ABTB2: variants seen among roughly 807,000 people sequenced by gnomAD.
ABTB2 encodes ankyrin repeat and BTB/POZ domain-containing protein 2.
ABTB2 carries 56 observed loss-of-function variants against 104.1 expected under a neutral mutation model. That is an observed-to-expected ratio of 0.54 (90% CI 0.43 to 0.67). The LOEUF (loss-of-function observed/expected upper bound fraction) is 0.67. ABTB2 is among the 30% of genes least tolerant of loss of function. ABTB2 has a pLI of 0.00. For synonymous variants in ABTB2, 606 were observed against 608.2 expected (o/e 1.00, Z 0.05); for missense variants, 1,279 against 1,407.7 (o/e 0.91, Z 1.46).
At chr11:34,249,203 C>T (rs946740108) in intron 1 of ABTB2, among the ~76,000 whole-genome samples, 16 of 152,194 alleles carry the variant, frequency 1.1e-4, no homozygotes, top group East Asian at 1.9e-4. Flanking sequence ...CTCGTGAATG[C>T]GCAGCCTTGA....
rs1326791153 is a variant in ABTB2, at chr11:34,197,325, C to T, written c.1244G>A (p.Arg415Gln). The change falls in exon 3 of 17, where the codon CGG (arginine) becomes CAG (glutamine). Residue 415 changes from arginine (R) to glutamine (Q), a missense_variant and splice_region_variant. Arg to Gln is a conservative substitution (Grantham distance 43). Coordinates refer to ENST00000435224, the MANE Select transcript of ABTB2 (RefSeq NM_145804.3). ...DPPRMTLNNE[R>Q]PFMLLPPLME... Reference sequence around the variant, plus strand: ...TGCTCAGCCCAAGGAAGATCCCTACCGTTCATTGTTCAAGGTCATTCTCGG... The same window carrying T: ...TGCTCAGCCCAAGGAAGATCCCTACTGTTCATTGTTCAAGGTCATTCTCGG... 15 of 1,613,842 alleles carry T rather than the reference C, an allele frequency of 9.3e-6. No individual in the cohort carries two copies. Among genetic ancestry groups the T allele is most frequent in the East Asian group, 2.2e-5 (1 of 44,886 alleles).
intron 1 of ABTB2, among the ~76,000 whole-genome samples, chr11:34,336,662 A>G (rs1323514478): frequency 6.6e-6 from 1 of 151,930 alleles, no homozygotes; most frequent in Non-Finnish European, 1.5e-5. Context: ...CAAAACAAAC[A>G]AACAAACAAA....
chr11:34,173,089 G>C, intron 4 of ABTB2, 66 bp downstream of exon 4: 1 of 1,599,516 alleles, frequency 6.3e-7, no homozygotes, highest in African/African-American at 1.3e-5. Flanking sequence ...GGGAAGAAGC[G>C]AGCAGAGGGG....
intron 1 of ABTB2, among the ~76,000 whole-genome samples, chr11:34,297,834 C>T (rs531009730): frequency 4.0e-5 from 6 of 150,586 alleles, no homozygotes; most frequent in African/African-American, 1.2e-4. Flanking sequence ...GTGTTGCCGA[C>T]GTGATGGTAT....
chr11:34,221,708 G>C (rs1353968816), intron 1 of ABTB2, among the ~76,000 whole-genome samples: 1 of 152,192 alleles, frequency 6.6e-6, no homozygotes, highest in Non-Finnish European at 1.5e-5. Context: ...CCTGCTGCTA[G>C]GCAGTCTGTG....
At chr11:34,332,386 C>G (rs1855142067) in intron 1 of ABTB2, among the ~76,000 whole-genome samples, 1 of 152,198 alleles carries the variant, frequency 6.6e-6, no homozygotes, top group African/African-American at 2.4e-5. Flanking sequence ...ATCATTCAGA[C>G]TAAGGTCAAA....
intron 1 of ABTB2, among the ~76,000 whole-genome samples, chr11:34,213,188 A>G (rs1421964260): frequency 6.6e-6 from 1 of 152,156 alleles, no homozygotes; most frequent in Non-Finnish European, 1.5e-5. Context: ...ATAAAACTCG[A>G]CAGCCCTGAC....
At chr11:34,337,029 G>A (rs1354203123) in intron 1 of ABTB2, among the ~76,000 whole-genome samples, 1 of 152,042 alleles carries the variant, frequency 6.6e-6, no homozygotes, top group African/African-American at 2.4e-5. Context: ...TTTGAATGCA[G>A]GCAGTCCAGC....
intron 1 of ABTB2, among the ~76,000 whole-genome samples, chr11:34,223,155 C>G (rs1883963): frequency 6.6e-6 from 1 of 152,108 alleles, no homozygotes; most frequent in Admixed American, 6.5e-5. Flanking sequence ...AGTGAGTTTA[C>G]GAGGCTGGCG....
intron 1 of ABTB2, among the ~76,000 whole-genome samples, chr11:34,218,870 A>C (rs1853580593): frequency 6.7e-6 from 1 of 150,148 alleles, no homozygotes; most frequent in African/African-American, 2.5e-5. Context: ...AAAAAAAAAA[A>C]AAGACTATCC....
chr11:34,217,137 C>G (rs1853559851), intron 1 of ABTB2, among the ~76,000 whole-genome samples: 1 of 152,238 alleles, frequency 6.6e-6, no homozygotes, highest in South Asian at 2.1e-4. Flanking sequence ...TGGGATACCC[C>G]TGACCCACAA....
intron 3 of ABTB2, among the ~76,000 whole-genome samples, chr11:34,174,821 C>G (rs1852940446): frequency 1.3e-5 from 2 of 152,408 alleles, no homozygotes; most frequent in African/African-American, 2.4e-5. Flanking sequence ...GGAGCCCTGT[C>G]CCTCACTCAT....
At chr11:34,281,307 C>A (rs1590240237) in intron 1 of ABTB2, among the ~76,000 whole-genome samples, 1 of 152,320 alleles carries the variant, frequency 6.6e-6, no homozygotes, top group East Asian at 1.9e-4. Flanking sequence ...AATCTTAGAT[C>A]CCAGGTCCTA....
chr11:34,345,698 C>T (rs1184466546), intron 1 of ABTB2, among the ~76,000 whole-genome samples: 1 of 152,208 alleles, frequency 6.6e-6, no homozygotes, highest in Non-Finnish European at 1.5e-5. Context: ...TGGGTCCCAG[C>T]ATAGTCCTGG....
chr11:34,223,481 G>A (rs1853651060), intron 1 of ABTB2, among the ~76,000 whole-genome samples: 1 of 152,164 alleles, frequency 6.6e-6, no homozygotes, highest in Non-Finnish European at 1.5e-5. Flanking sequence ...CATTAGGAGC[G>A]TAGGCTGCTG....
rs1853081779 is a variant in ABTB2 at position 34,185,210 on chromosome 11, T to A, written c.1245-11903A>T. Among the ~76,000 whole-genome samples the A allele has an allele frequency of 2.6e-5, 4 of 152,334 alleles. No homozygotes were observed. In the Middle Eastern group the frequency reaches 0.01, roughly 389 times the overall value. ...TCTAGAAACTTCTAGGAAGAAGCAGTGGCGTGAGGGCTCTTGAAGCCTGAT... is the reference window on the plus strand; with the variant it reads ...TCTAGAAACTTCTAGGAAGAAGCAGAGGCGTGAGGGCTCTTGAAGCCTGAT... On this transcript the variant is annotated intron_variant, in intron 3 of 16. Transcript: ENST00000435224.
intron 1 of ABTB2, among the ~76,000 whole-genome samples, chr11:34,224,701 G>A (rs1853665643): frequency 6.6e-6 from 1 of 152,140 alleles, no homozygotes; most frequent in African/African-American, 2.4e-5. Flanking sequence ...GACTGAGGGC[G>A]AACATCAAAT....
chr11:34,298,800 T>C (rs1216286589), intron 1 of ABTB2, among the ~76,000 whole-genome samples: 5 of 152,192 alleles, frequency 3.3e-5, no homozygotes. Context: ...ATTTGTGATC[T>C]TCTCATAAAA....
intron 1 of ABTB2, among the ~76,000 whole-genome samples, chr11:34,264,165 C>A (rs1565154223): frequency 6.6e-6 from 1 of 152,214 alleles, no homozygotes; most frequent in Non-Finnish European, 1.5e-5. Flanking sequence ...ATCTGATCTT[C>A]TAGAAGCAGC....
Sources: allele counts gnomAD v4.1 joint callset (sites outside exome capture counted in the v4.1 genomes callset), GRCh38; gene constraint gnomAD v4.1.1; transcripts MANE v1.5; gene names NCBI Gene and HGNC (gene_info 2026-07-23, HGNC 2026-07-21).